Variants in PON1 observed in about 807,000 individuals in gnomAD.
PON1 encodes the protein paraoxonase 1, also known as serum paraoxonase/arylesterase 1.
A neutral mutation model predicts 39.2 loss-of-function variants in PON1; 37 were observed. That is an observed-to-expected ratio of 0.94 (90% CI 0.73 to 1.24). The LOEUF (loss-of-function observed/expected upper bound fraction) is 1.24. Among genes scored for constraint, PON1 ranks in the 50% most tolerant of loss-of-function variants. PON1 has a pLI of 0.00. For synonymous variants in PON1, 148 were observed against 152.2 expected (o/e 0.97, Z 0.21); for missense variants, 397 against 413.5 (o/e 0.96, Z 0.35).
In PON1 at chr7:95,299,064, T is replaced by G; in HGVS notation, c.948A>C (p.Lys316Asn). 2 of 1,614,130 alleles carry G rather than the reference T, an allele frequency of 1.2e-6. No homozygotes were observed. The highest frequency in any genetic ancestry group is 1.7e-6 in the Non-Finnish European group (2 of 1,179,968). The change falls in exon 9 of 9, where the codon AAA becomes AAC. Residue 316 changes from lysine (K) to asparagine (N), a missense_variant. Transcript: ENST00000222381. ...RIQNILTEEP[K>N]VTQVYAENGT... ...CATTTTCTGCATAAACCTGTGTCAC[T>G]TTAGGTTCTTCTGTTAGAATGTTCT... is the stretch of plus-strand genomic sequence containing the variant.
At chr7:95,315,112 C>G (rs770960780) in intron 4 of PON1, among the ~76,000 whole-genome samples, 4 of 152,162 alleles carry the variant, frequency 2.6e-5, no homozygotes, top group African/African-American at 4.8e-5. Flanking sequence ...AGATGCTTTA[C>G]AAATCTTAAA....
chr7:95,305,465 A>G (rs918799582), intron 7 of PON1, among the ~76,000 whole-genome samples: 5 of 152,240 alleles, frequency 3.3e-5, no homozygotes, highest in South Asian at 4.1e-4. Flanking sequence ...GAATTGTACC[A>G]GAAGCAAATA....
intron 2 of PON1, among the ~76,000 whole-genome samples, 172 bp downstream of exon 2, chr7:95,318,151 G>T (rs776353363): frequency 1.1e-4 from 16 of 148,670 alleles, no homozygotes; most frequent in Non-Finnish European, 2.2e-4. Context: ...CACCTTGGCA[G>T]TATGTTGGTG....
chr7:95,308,463 A>G (rs1375567169), intron 5 of PON1, among the ~76,000 whole-genome samples: 3 of 149,852 alleles, frequency 2.0e-5, no homozygotes, highest in African/African-American at 5.0e-5. Context: ...GTATCTTAAA[A>G]TAGTGTTACG....
intron 7 of PON1, 131 bp downstream of exon 7, chr7:95,306,154 C>T (rs1050493665): frequency 1.3e-6 from 1 of 775,782 alleles, no homozygotes; most frequent in Non-Finnish European, 2.3e-6. Flanking sequence ...GCTAATGACT[C>T]TTAATAAAGG....
chr7:95,299,139 A>AAGTC, intron 8 of PON1, 37 bp from the exon 9 acceptor site: 3 of 1,598,864 alleles, frequency 1.9e-6, no homozygotes, highest in Non-Finnish European at 2.6e-6. Context: ...TATTTTTGTT[A>AAGTC]AGTCACTTAA....
rs111306446 is a variant in PON1 at position 95,323,374 on chromosome 7, A to C, written c.74+1028T>G. 3.8e-3 allele frequency among the ~76,000 whole-genome samples: 575 copies of C among 152,330 alleles called. 5 individuals carry two copies. Among genetic ancestry groups the C allele is most frequent in the African/African-American group, 0.013 (540 of 41,568 alleles). On this transcript the variant is annotated intron_variant, in intron 1 of 8. Transcript: ENST00000222381. Reference sequence around the variant, plus strand: ...TAATTTTTACATGATTTAAAAGCCAAGAATACCAACTGCTTCTTACTTTTT... The same window carrying C: ...TAATTTTTACATGATTTAAAAGCCACGAATACCAACTGCTTCTTACTTTTT...
intron 1 of PON1, among the ~76,000 whole-genome samples, chr7:95,319,611 T>C (rs770587585): frequency 1.3e-5 from 2 of 152,158 alleles, no homozygotes; most frequent in East Asian, 3.9e-4. Flanking sequence ...GGTTTCCTGA[T>C]TGATAGATGT....
Position 95,308,154 on chromosome 7 carries a change from AT to A in PON1, c.554del (p.Tyr185PhefsTer16), listed in dbSNP as rs1370387382. 6.2e-6 allele frequency: 10 copies of A among 1,614,052 alleles called. No individual in the cohort carries two copies. The highest frequency in any genetic ancestry group is 1.3e-5 in the African/African-American group (1 of 74,912). On this transcript the variant is annotated frameshift_variant, in exon 6 of 9. Coordinates refer to ENST00000222381, the MANE Select transcript of PON1 (RefSeq NM_000446.7). LOFTEE classifies it high-confidence loss of function. ...PEHFYGTNDH[Y>X]FLDPYLQSWE... Reference sequence around the variant, plus strand: ...AGGATTGTAAGTAGGGGTCAAGAAAATAGTGATCATTTGTGCCATAAAAGTG... The same window carrying A: ...AGGATTGTAAGTAGGGGTCAAGAAAAAGTGATCATTTGTGCCATAAAAGTG...
At chr7:95,305,597 C>A (rs577099212) in intron 7 of PON1, among the ~76,000 whole-genome samples, 2 of 152,008 alleles carry the variant, frequency 1.3e-5, no homozygotes, top group East Asian at 1.9e-4. Flanking sequence ...GCAGGAAAGG[C>A]GAGGGAAAAT....
At chr7:95,301,071 A>T (rs1308343636) in intron 8 of PON1, among the ~76,000 whole-genome samples, 1 of 151,904 alleles carries the variant, frequency 6.6e-6, no homozygotes, top group Non-Finnish European at 1.5e-5. Context: ...ACTGAGCTTT[A>T]ACAATACACA....
intron 1 of PON1, among the ~76,000 whole-genome samples, chr7:95,323,243 A>C (rs765118418): frequency 1.4e-4 from 22 of 151,980 alleles, no homozygotes; most frequent in Non-Finnish European, 2.6e-4. Context: ...TGTCTGGGTC[A>C]CTCCAGGAGG....
intron 4 of PON1, among the ~76,000 whole-genome samples, chr7:95,312,262 C>T (rs866296122): frequency 6.6e-6 from 1 of 152,144 alleles, no homozygotes; most frequent in Non-Finnish European, 1.5e-5. Context: ...GGCGCCATCT[C>T]GGCTCACTGC....
At chr7:95,304,332 T>TC (rs1179114354) in intron 7 of PON1, among the ~76,000 whole-genome samples, 1 of 148,684 alleles carries the variant, frequency 6.7e-6, no homozygotes, top group African/African-American at 2.5e-5. Context: ...CATTCCTTTT[T>TC]TTTTTTTTTT....
chr7:95,314,488 A>G (rs1807723664), intron 4 of PON1, among the ~76,000 whole-genome samples: 1 of 152,156 alleles, frequency 6.6e-6, no homozygotes. Context: ...TCAAGGTAGC[A>G]ATTTTAGCCA....
intron 7 of PON1, among the ~76,000 whole-genome samples, chr7:95,304,936 A>G (rs1807509310): frequency 6.6e-6 from 1 of 152,100 alleles, no homozygotes; most frequent in Non-Finnish European, 1.5e-5. Context: ...TGTCTGTTAC[A>G]TTGGGTTCTA....
At chr7:95,303,935 T>C (rs571313509) in intron 7 of PON1, among the ~76,000 whole-genome samples, 5 of 152,340 alleles carry the variant, frequency 3.3e-5, no homozygotes, top group African/African-American at 7.2e-5. Flanking sequence ...GACTAAGTCC[T>C]GGAATCTTTT....
At chr7:95,313,638 G>GTC (rs1328322706) in intron 4 of PON1, among the ~76,000 whole-genome samples, 1 of 151,802 alleles carries the variant, frequency 6.6e-6, no homozygotes, top group Non-Finnish European at 1.5e-5. Flanking sequence ...GTGTGTGTGT[G>GTC]TGTGTGTGTG....
At chr7:95,302,866 G>C (rs1209571386) in intron 7 of PON1, among the ~76,000 whole-genome samples, 1 of 152,116 alleles carries the variant, frequency 6.6e-6, no homozygotes, top group African/African-American at 2.4e-5. Flanking sequence ...TTGTTCTTTA[G>C]TTTCCTGATG....
Sources: allele counts gnomAD v4.1 joint callset (sites outside exome capture counted in the v4.1 genomes callset), GRCh38; gene constraint gnomAD v4.1.1; transcripts MANE v1.5; gene names NCBI Gene and HGNC (gene_info 2026-07-23, HGNC 2026-07-21).